Variants in ZC3H7A observed in about 807,000 individuals in gnomAD.
ZC3H7A encodes the protein zinc finger CCCH domain-containing protein 7A.
Under a neutral mutation model 125.5 loss-of-function variants are expected in ZC3H7A, and 44 were observed. That is an observed-to-expected ratio of 0.35 (90% CI 0.28 to 0.45). The LOEUF (loss-of-function observed/expected upper bound fraction) is 0.45, where lower values mean the gene tolerates loss of function less well. Ranked by LOEUF, ZC3H7A falls within the 20% of genes least tolerant of loss-of-function variation. ZC3H7A has a pLI of 1.00. For synonymous variants in ZC3H7A, 399 were observed against 391.2 expected, an observed-to-expected ratio of 1.02 and a Z score of -0.23; for missense variants, 977 against 1,170.7, an observed-to-expected ratio of 0.83 and a Z score of 2.41.
At chr16:11,780,714 G>T (rs1446878786) in intron 3 of ZC3H7A, among the ~76,000 whole-genome samples, 1 of 152,110 alleles carries the variant, frequency 6.6e-6, no homozygotes, top group African/African-American at 2.4e-5. Context: ...AGAAGAAAAG[G>T]GGAGGAGGGA....
intron 4 of ZC3H7A, among the ~76,000 whole-genome samples, chr16:11,777,596 C>T (rs1486157395): frequency 1.3e-5 from 2 of 151,958 alleles, no homozygotes; most frequent in Non-Finnish European, 2.9e-5. Flanking sequence ...GTGGCGGGTG[C>T]CTATAATCCC....
chr16:11,792,935 A>G (rs2053377038), intron 1 of ZC3H7A, among the ~76,000 whole-genome samples: 1 of 152,172 alleles, frequency 6.6e-6, no homozygotes, highest in Non-Finnish European at 1.5e-5. Context: ...AAACACACGC[A>G]TGCGTGTGCA....
At chr16:11,757,214 G>T (rs887834443) in intron 20 of ZC3H7A, among the ~76,000 whole-genome samples, 2 of 152,100 alleles carry the variant, frequency 1.3e-5, no homozygotes, top group African/African-American at 4.8e-5. Context: ...GCCGGGCACG[G>T]TGGCTCACGC....
intron 21 of ZC3H7A, 173 bp from the exon 22 acceptor site, chr16:11,753,005 G>C (rs2052577703): frequency 6.0e-6 from 4 of 665,530 alleles, no homozygotes; most frequent in Non-Finnish European, 9.7e-6. Flanking sequence ...AGGACACAGA[G>C]AAGAAGGGTG....
At chr16:11,791,263 A>T (rs541578545) in intron 1 of ZC3H7A, among the ~76,000 whole-genome samples, 1 of 152,038 alleles carries the variant, frequency 6.6e-6, no homozygotes. Context: ...CCAGCTTCAC[A>T]CATGAGGCTC....
At chr16:11,762,179 A>C (rs1415414774) in intron 17 of ZC3H7A, 136 bp from the exon 18 acceptor site, 1 of 864,940 alleles carries the variant, frequency 1.2e-6, no homozygotes, top group Non-Finnish European at 1.7e-6. Context: ...TTTGACCATT[A>C]TATCTGATAA....
At chr16:11,776,406 T>C in intron 6 of ZC3H7A, 46 bp downstream of exon 6, 1 of 1,601,874 alleles carries the variant, frequency 6.2e-7, no homozygotes, top group Non-Finnish European at 8.5e-7. Context: ...TGACTCCAAG[T>C]TCTAAAACAA....
Position 11,783,133 on chromosome 16 carries a change from C to T in ZC3H7A, c.-34-745G>A, listed in dbSNP as rs906601854. The T allele has an allele frequency of 2.6e-5, 4 of 152,260 alleles. No individual in the cohort carries two copies. The East Asian group carries it at 7.7e-4, about 29-fold the overall frequency. 9.4% of individuals were successfully genotyped at this position (152,260 alleles called of 1,614,324 possible). ...TCCAGAAATAAAAAGGTTTCACATC[C>T]GCTTGCCTCCGAGGGAGTCTGACTT... is the stretch of plus-strand genomic sequence containing the variant. On this transcript the variant is annotated intron_variant, in intron 1 of 22. Transcript: ENST00000355758.
chr16:11,775,174 C>A (rs2053058359), intron 7 of ZC3H7A, among the ~76,000 whole-genome samples, 161 bp from the exon 8 acceptor site: 1 of 152,038 alleles, frequency 6.6e-6, no homozygotes, highest in Non-Finnish European at 1.5e-5. Context: ...AGTTTGAGAC[C>A]AGCCTGGCCA....
At chr16:11,764,896 T>C in intron 15 of ZC3H7A, 157 bp downstream of exon 15, 2 of 511,508 alleles carry the variant, frequency 3.9e-6, no homozygotes, top group Non-Finnish European at 6.8e-6. Flanking sequence ...TCCAGCCAAA[T>C]CTACTAAAAG....
intron 9 of ZC3H7A, among the ~76,000 whole-genome samples, chr16:11,772,511 A>G (rs1204428279): frequency 2.0e-5 from 3 of 151,778 alleles, no homozygotes; most frequent in East Asian, 1.9e-4. Context: ...ATGATGCACT[A>G]TGATGAAGTA....
In ZC3H7A at chr16:11,790,384, G is replaced by A. The variant is rs769302612; in HGVS notation, c.-35+6740C>T. Among the ~76,000 whole-genome samples, 4 of 152,212 alleles carry A rather than the reference G, an allele frequency of 2.6e-5. No individual in the cohort carries two copies. The East Asian group carries it at 5.8e-4, about 22-fold the overall frequency. Reference sequence around the variant, plus strand: ...TGTGAATTGTTTGCTCATACCCTCTGCTCATTTTTCTTCCAGGCTGAGCTT... The same window carrying A: ...TGTGAATTGTTTGCTCATACCCTCTACTCATTTTTCTTCCAGGCTGAGCTT... On this transcript the variant is annotated intron_variant, in intron 1 of 22. Transcript: ENST00000355758.
intron 10 of ZC3H7A, among the ~76,000 whole-genome samples, chr16:11,769,775 A>G (rs1596388319): frequency 1.0e-5 from 1 of 95,640 alleles, no homozygotes; most frequent in East Asian, 3.5e-4. Flanking sequence ...TAAAGTTTTC[A>G]ATTGCTTTCT....
At chr16:11,790,603 G>C (rs2053333637) in intron 1 of ZC3H7A, among the ~76,000 whole-genome samples, 1 of 151,950 alleles carries the variant, frequency 6.6e-6, no homozygotes, top group Non-Finnish European at 1.5e-5. Flanking sequence ...GCAATGGCAC[G>C]ATCTCGGCTC....
At chr16:11,787,011 G>A (rs1303350190) in intron 1 of ZC3H7A, among the ~76,000 whole-genome samples, 1 of 152,104 alleles carries the variant, frequency 6.6e-6, no homozygotes. Flanking sequence ...ATCTTAATGT[G>A]AGTTTTGACA....
chr16:11,770,802 T>C lies in ZC3H7A; in HGVS notation c.1089A>G (p.Ser363=), dbSNP rs753712511. 6.2e-7 allele frequency: 1 copy of C among 1,613,526 alleles called. No homozygotes were observed. Among genetic ancestry groups the C allele is most frequent in the South Asian group, 1.1e-5 (1 of 90,912 alleles). ...TCTTACCTCGTTTGGATTCACTCAT[T>C]GAAAATGAATTTAAAGAAGAACAAA... ...EDFCSSLNSF[S]MSESKRDLST... The change falls in exon 10 of 23, where the codon TCA becomes TCG. Residue 363 remains serine (S), a synonymous_variant. Transcript: ENST00000355758.
intron 22 of ZC3H7A, among the ~76,000 whole-genome samples, chr16:11,752,066 C>G (rs756500509): frequency 6.6e-6 from 1 of 151,674 alleles, no homozygotes; most frequent in Non-Finnish European, 1.5e-5. Context: ...CCACCACGCC[C>G]GGCTAATTTT....
At chr16:11,769,121 G>C (rs1472975149) in intron 10 of ZC3H7A, 26 bp from the exon 11 acceptor site, 2 of 1,588,760 alleles carry the variant, frequency 1.3e-6, no homozygotes, top group African/African-American at 1.4e-5. Context: ...AACTTCAACA[G>C]ACCTTTTCAT....
At chr16:11,787,321 T>G (rs914195772) in intron 1 of ZC3H7A, among the ~76,000 whole-genome samples, 1 of 152,204 alleles carries the variant, frequency 6.6e-6, no homozygotes, top group Non-Finnish European at 1.5e-5. Flanking sequence ...AGAAAAGATA[T>G]AGACCATTAA....
Sources: allele counts gnomAD v4.1 joint callset (sites outside exome capture counted in the v4.1 genomes callset), GRCh38; gene constraint gnomAD v4.1.1; transcripts MANE v1.5; gene names NCBI Gene and HGNC (gene_info 2026-07-23, HGNC 2026-07-21).